Variants in UBAP1 observed in about 807,000 individuals in gnomAD.
UBAP1 encodes the protein ubiquitin-associated protein 1.
A neutral mutation model predicts 39.0 loss-of-function variants in UBAP1; 5 were observed. The observed-to-expected ratio is 0.13, with a 90% CI of 0.07 to 0.27. The LOEUF (loss-of-function observed/expected upper bound fraction) is 0.27. Ranked by LOEUF, UBAP1 falls within the 10% of genes least tolerant of loss-of-function variation. The probability of loss-of-function intolerance (pLI) is 1.00; values close to 1 mark genes in which losing one functional copy is unlikely to be tolerated. For synonymous variants in UBAP1, 211 were observed against 225.1 expected, an observed-to-expected ratio of 0.94 and a Z score of 0.56; for missense variants, 490 against 608.1, an observed-to-expected ratio of 0.81 and a Z score of 2.04.
intron 1 of UBAP1, among the ~76,000 whole-genome samples, chr9:34,196,938 T>TGTGTG (rs1393315839): frequency 4.3e-5 from 4 of 93,054 alleles, no homozygotes; most frequent in East Asian, 8.3e-4. Flanking sequence ...GTGTGTGTGT[T>TGTGTG]TTTAATTGAG....
At chr9:34,196,083 A>G (rs1408245321) in intron 1 of UBAP1, among the ~76,000 whole-genome samples, 1 of 150,704 alleles carries the variant, frequency 6.6e-6, no homozygotes, top group Non-Finnish European at 1.5e-5. Context: ...GTCTGGCTCC[A>G]TATGATTTTT....
intron 1 of UBAP1, 105 bp downstream of exon 1, chr9:34,179,345 A>T: frequency 1.1e-6 from 1 of 870,638 alleles, no homozygotes. Context: ...AGCGAGGTGA[A>T]GGGCGCCGGA....
chr9:34,210,056 G>A (rs1418661859), intron 1 of UBAP1, among the ~76,000 whole-genome samples: 1 of 151,900 alleles, frequency 6.6e-6, no homozygotes, highest in African/African-American at 2.4e-5. Context: ...TTTAATTTGC[G>A]ATAAAACGGG....
At chr9:34,191,087 C>G (rs1040655018) in intron 1 of UBAP1, among the ~76,000 whole-genome samples, 1 of 152,114 alleles carries the variant, frequency 6.6e-6, no homozygotes, top group African/African-American at 2.4e-5. Flanking sequence ...TCTGTCCTGT[C>G]TGATATGTCT....
chr9:34,182,811 C>T (rs12340051), intron 1 of UBAP1, among the ~76,000 whole-genome samples: 3,470 of 151,494 alleles, frequency 0.023, 139 homozygotes, highest in African/African-American at 0.079. Flanking sequence ...CCTGGGTTCA[C>T]GCCATTCTCC....
intron 2 of UBAP1, among the ~76,000 whole-genome samples, chr9:34,231,675 C>T (rs529529797): frequency 6.6e-4 from 99 of 150,974 alleles, no homozygotes; most frequent in African/African-American, 2.4e-3. Context: ...GATAGAGTCT[C>T]GCTCTGTCAC....
At chr9:34,184,173 A>G (rs1830247606) in intron 1 of UBAP1, among the ~76,000 whole-genome samples, 1 of 152,166 alleles carries the variant, frequency 6.6e-6, no homozygotes, top group Non-Finnish European at 1.5e-5. Flanking sequence ...TTAGAAAATA[A>G]CTTGAAGGTA....
Position 34,179,043 on chromosome 9 carries a change from G to A in UBAP1, c.-205G>A, listed in dbSNP as rs1436174203. On this transcript the variant is annotated 5_prime_UTR_variant, in exon 1 of 7. Transcript: ENST00000297661. ...AGTGGGGCGGTGAGGGGAAGGAGGA[G>A]GGAAGTAGGACTTCAACATGGCGGC... 8 of 1,264,102 alleles carry A rather than the reference G, an allele frequency of 6.3e-6. No individual in the cohort carries two copies. Among genetic ancestry groups the A allele is most frequent in the African/African-American group, 4.6e-5 (3 of 64,848 alleles). The allele number at this position is 1,264,102 out of a possible 1,614,324, so 78.3% of individuals were successfully genotyped here.
At chr9:34,196,593 G>A (rs1831072164) in intron 1 of UBAP1, among the ~76,000 whole-genome samples, 1 of 151,200 alleles carries the variant, frequency 6.6e-6, no homozygotes, top group African/African-American at 2.4e-5. Context: ...CTGGGATTAC[G>A]GCCACGGCGC....
intron 4 of UBAP1, 26 bp from the exon 5 acceptor site, chr9:34,249,753 C>T: frequency 1.2e-6 from 2 of 1,610,872 alleles, no homozygotes; most frequent in Non-Finnish European, 1.7e-6. Flanking sequence ...GGTCTTCTTG[C>T]CTTAATCTTC....
chr9:34,181,759 A>G (rs1260134542), intron 1 of UBAP1, among the ~76,000 whole-genome samples: 1 of 148,982 alleles, frequency 6.7e-6, no homozygotes, highest in Non-Finnish European at 1.5e-5. Flanking sequence ...AATGAAGGCA[A>G]AGGAAAAAAA....
chr9:34,235,542 T>A (rs1183383814), intron 3 of UBAP1, among the ~76,000 whole-genome samples: 2 of 152,178 alleles, frequency 1.3e-5, no homozygotes, highest in Non-Finnish European at 2.9e-5. Flanking sequence ...GGTTTCACTG[T>A]ATTAGCCAGG....
chr9:34,194,711 A>G (rs1254061496), intron 1 of UBAP1, among the ~76,000 whole-genome samples: 1 of 152,228 alleles, frequency 6.6e-6, no homozygotes, highest in East Asian at 1.9e-4. Flanking sequence ...ACATTATGCC[A>G]TGTGTTCAGA....
chr9:34,182,603 TTTTC>T (rs1263524303), intron 1 of UBAP1, among the ~76,000 whole-genome samples: 1 of 149,976 alleles, frequency 6.7e-6, no homozygotes, highest in Non-Finnish European at 1.5e-5. Flanking sequence ...TCTTTTTTCT[TTTTC>T]TTTCTTTCCT....
chr9:34,202,568 A>G (rs1831435230), intron 1 of UBAP1, among the ~76,000 whole-genome samples: 1 of 150,610 alleles, frequency 6.6e-6, no homozygotes, highest in South Asian at 2.1e-4. Context: ...TAGCATTATA[A>G]CAGAAGACTC....
intron 4 of UBAP1, among the ~76,000 whole-genome samples, chr9:34,244,156 A>T (rs1282623242): frequency 6.6e-6 from 1 of 151,526 alleles, no homozygotes; most frequent in African/African-American, 2.4e-5. Context: ...CATTCTTTCT[A>T]TTTTTTTTGT....
intron 1 of UBAP1, among the ~76,000 whole-genome samples, chr9:34,182,671 C>CTCT (rs770077167): frequency 0.11 from 9,580 of 87,980 alleles, 772 homozygotes; most frequent in Non-Finnish European, 0.15. Context: ...TTCTTTCTTT[C>CTCT]TTTCTTTCTT....
intron 1 of UBAP1, among the ~76,000 whole-genome samples, chr9:34,185,119 A>T (rs1426772207): frequency 6.6e-6 from 1 of 151,564 alleles, no homozygotes. Context: ...TTTTTAGTAG[A>T]GATGGTGTTT....
Position 34,216,729 on chromosome 9 carries a change from C to G in UBAP1, c.-7-4179C>G, listed in dbSNP as rs542606642. ...TGGCTTAATCATGGCTCACGGCAAC[C>G]TTTGCCTCCTGGGCTCAAGCCATCC... On this transcript the variant is annotated intron_variant, in intron 1 of 6. Coordinates refer to ENST00000297661, the MANE Select transcript of UBAP1 (RefSeq NM_016525.5). 6.4e-4 allele frequency among the ~76,000 whole-genome samples: 91 copies of G among 142,488 alleles called. 1 individual carries two copies. The Admixed American group carries it at 6.6e-3, about 10-fold the overall frequency. The allele number at this position is 142,488 out of a possible 152,430, so 93.5% of individuals were successfully genotyped here. A position where few individuals can be genotyped will look rare whatever the true frequency, so the allele number is the denominator to read the frequency against.
Sources: allele counts gnomAD v4.1 joint callset (sites outside exome capture counted in the v4.1 genomes callset), GRCh38; gene constraint gnomAD v4.1.1; transcripts MANE v1.5; gene names NCBI Gene and HGNC (gene_info 2026-07-23, HGNC 2026-07-21).